LIN7A: variants seen among roughly 807,000 people sequenced by gnomAD.
LIN7A encodes protein lin-7 homolog A.
A neutral mutation model predicts 29.8 loss-of-function variants in LIN7A; 25 were observed. The ratio of observed to expected loss-of-function variants is 0.84; its 90% CI spans 0.61 to 1.17. The LOEUF is 1.17. LIN7A is among the 50% of genes most tolerant of loss of function. The pLI, the probability that LIN7A is intolerant of heterozygous loss-of-function variation, is 0.00. For synonymous variants in LIN7A, 118 were observed against 107.5 expected, an observed-to-expected ratio of 1.10 and a Z score of -0.60; for missense variants, 239 against 287.0, an observed-to-expected ratio of 0.83 and a Z score of 1.21.
At chr12:80,873,911 C>T (rs995031597) in intron 2 of LIN7A, among the ~76,000 whole-genome samples, 2 of 148,200 alleles carry the variant, frequency 1.3e-5, no homozygotes, top group Non-Finnish European at 3.0e-5. Context: ...TCTTAAATTA[C>T]TGCTATTTTG....
chr12:80,842,480 G>C (rs943022541), intron 4 of LIN7A, among the ~76,000 whole-genome samples: 2 of 152,034 alleles, frequency 1.3e-5, no homozygotes, highest in Non-Finnish European at 2.9e-5. Context: ...GCCCTCCAAA[G>C]CACTTCCTTT....
In LIN7A at chr12:80,832,628, T is replaced by A. The variant is rs555050814; in HGVS notation, c.483+13102A>T. 262 of 461,826 alleles carry A rather than the reference T, an allele frequency of 5.7e-4. 1 individual carries two copies. The highest frequency in any genetic ancestry group is 4.0e-3 in the South Asian group (248 of 61,544). The allele number at this position is 461,826 out of a possible 1,614,324, so 28.6% of individuals were successfully genotyped here. A position where few individuals can be genotyped will look rare whatever the true frequency, so the allele number is the denominator to read the frequency against. On this transcript the variant is annotated intron_variant, in intron 4 of 5. Transcript: ENST00000552864. Reference sequence around the variant, plus strand: ...AATGGGAAGTCTAGGCTCCTTATGATGGCTTATGGTAGCTTCCGTGACATG... The same window carrying A: ...AATGGGAAGTCTAGGCTCCTTATGAAGGCTTATGGTAGCTTCCGTGACATG...
chr12:80,929,849 A>AAAAAT (rs1386144023), intron 1 of LIN7A, among the ~76,000 whole-genome samples: 1 of 152,182 alleles, frequency 6.6e-6, no homozygotes, highest in Non-Finnish European at 1.5e-5. Context: ...TTATTTGTCC[A>AAAAAT]TCAGCAATTA....
intron 1 of LIN7A, among the ~76,000 whole-genome samples, chr12:80,925,426 A>C (rs929930601): frequency 6.6e-6 from 1 of 152,192 alleles, no homozygotes; most frequent in Non-Finnish European, 1.5e-5. Context: ...GGCAGCAAAC[A>C]TTCTCTGTCC....
At chr12:80,862,972 T>C (rs1401104317) in intron 2 of LIN7A, among the ~76,000 whole-genome samples, 1 of 152,166 alleles carries the variant, frequency 6.6e-6, no homozygotes, top group African/African-American at 2.4e-5. Context: ...CAGAGAGGAG[T>C]TTTCCATTAC....
rs549653338 is a variant in LIN7A, at chr12:80,908,277, C to T, written c.83-18908G>A. 5.9e-5 allele frequency among the ~76,000 whole-genome samples: 9 copies of T among 151,978 alleles called. No homozygotes were observed. In the East Asian group the frequency reaches 1.7e-3, roughly 29 times the overall value. ...GCTATATATACAAACGTGTACCAAC[C>T]GTAAGAATGATTCCAACATTTTCTA... On this transcript the variant is annotated intron_variant, in intron 1 of 5. Coordinates refer to ENST00000552864, the MANE Select transcript of LIN7A (RefSeq NM_004664.4).
Position 80,831,472 on chromosome 12 carries a change from T to C in LIN7A, c.483+14258A>G, listed in dbSNP as rs533789358. 3.9e-5 allele frequency among the ~76,000 whole-genome samples: 6 copies of C among 152,348 alleles called. No individual in the cohort carries two copies. The East Asian group carries it at 1.2e-3, about 29-fold the overall frequency. On this transcript the variant is annotated intron_variant, in intron 4 of 5. Transcript: ENST00000552864. ...ATGAATATATTTGATTTGTTTTATT[T>C]ACAAAATAGACATACTAAAAGTTGC...
Position 80,848,263 on chromosome 12 carries a change from C to T in LIN7A, c.261G>A (p.Arg87=), listed in dbSNP as rs377491651. 57 of 1,612,814 alleles carry T rather than the reference C, an allele frequency of 3.5e-5. No homozygotes were observed. The highest frequency in any genetic ancestry group is 4.7e-5 in the Non-Finnish European group (55 of 1,179,164). ...ACTCAAGCCTTACCTTTGCTGTTGC[C>T]CTCGCACGGAATTCGGGACAGCCAT... ...TVNGCPEFRA[R]ATAKATVAAF... is the part of the protein sequence containing the mutation. Residue 87 remains arginine (R), a synonymous_variant, in exon 3 of 6, where the codon AGG becomes AGA. Coordinates refer to ENST00000552864, the MANE Select transcript of LIN7A (RefSeq NM_004664.4).
chr12:80,834,038 AACCAAATCTAGT>A (rs1872501337), intron 4 of LIN7A, among the ~76,000 whole-genome samples: 1 of 152,154 alleles, frequency 6.6e-6, no homozygotes, highest in African/African-American at 2.4e-5. Flanking sequence ...CCTTTTGCAA[AACCAAATCTAGT>A]ACAATGTCAT....
intron 1 of LIN7A, among the ~76,000 whole-genome samples, chr12:80,919,789 A>AAGTCAC (rs1877208226): frequency 6.6e-6 from 1 of 152,194 alleles, no homozygotes; most frequent in Non-Finnish European, 1.5e-5. Context: ...CAGACCAAAG[A>AAGTCAC]AAGGCAGGAT....
chr12:80,896,288 C>A (rs891955441), intron 1 of LIN7A, among the ~76,000 whole-genome samples: 1 of 152,166 alleles, frequency 6.6e-6, no homozygotes, highest in Non-Finnish European at 1.5e-5. Context: ...TGGAACACTG[C>A]AATCAAGGCG....
chr12:80,883,360 G>A (rs1875165561), intron 2 of LIN7A, among the ~76,000 whole-genome samples: 1 of 152,096 alleles, frequency 6.6e-6, no homozygotes, highest in Non-Finnish European at 1.5e-5. Flanking sequence ...ACATTAATAG[G>A]CATTAATTTG....
intron 1 of LIN7A, among the ~76,000 whole-genome samples, chr12:80,895,207 A>G (rs564809771): frequency 1.3e-5 from 2 of 152,350 alleles, no homozygotes; most frequent in East Asian, 1.9e-4. Flanking sequence ...ATCATCATCA[A>G]CTGCCTGATA....
intron 2 of LIN7A, among the ~76,000 whole-genome samples, chr12:80,888,026 A>T (rs535346234): frequency 6.6e-6 from 1 of 152,120 alleles, no homozygotes; most frequent in Admixed American, 6.6e-5. Flanking sequence ...TGCAGTTTTG[A>T]GATATTTTAT....
At chr12:80,934,513 A>T (rs1328637222) in intron 1 of LIN7A, among the ~76,000 whole-genome samples, 1 of 152,210 alleles carries the variant, frequency 6.6e-6, no homozygotes, top group Non-Finnish European at 1.5e-5. Flanking sequence ...AGACCCAGGA[A>T]GCTAGGTGCA....
At chr12:80,905,043 CTG>C (rs146484792) in intron 1 of LIN7A, among the ~76,000 whole-genome samples, 5 of 151,332 alleles carry the variant, frequency 3.3e-5, no homozygotes, top group African/African-American at 9.7e-5. Flanking sequence ...AGCTGAGTGT[CTG>C]TGTGTGTGTG....
chr12:80,883,533 T>C (rs937264626), intron 2 of LIN7A, among the ~76,000 whole-genome samples: 1 of 152,194 alleles, frequency 6.6e-6, no homozygotes, highest in Non-Finnish European at 1.5e-5. Context: ...GAAACCACCA[T>C]GTCTCTTCCT....
chr12:80,914,797 T>C (rs1173331084), intron 1 of LIN7A, among the ~76,000 whole-genome samples: 1 of 152,098 alleles, frequency 6.6e-6, no homozygotes, highest in Admixed American at 6.6e-5. Context: ...TCTCAGCATA[T>C]TGGGAGGCTG....
At chr12:80,898,165 G>A (rs1322432367) in intron 1 of LIN7A, among the ~76,000 whole-genome samples, 3 of 152,168 alleles carry the variant, frequency 2.0e-5, no homozygotes, top group African/African-American at 7.2e-5. Context: ...GTAAGGAAGG[G>A]GTTCAGTTGC....
Sources: gnomAD v4.1 joint callset for allele counts (sites outside exome capture counted in the v4.1 genomes callset) on GRCh38, gnomAD v4.1.1 for gene constraint, MANE v1.5 for transcripts, NCBI Gene and HGNC (gene_info 2026-07-23, HGNC 2026-07-21) for gene names.